Variants in PLAC1 observed in about 807,000 individuals in gnomAD.
PLAC1 encodes the protein placenta-specific protein 1.
For synonymous variants in PLAC1, 68 were observed against 62.1 expected, an observed-to-expected ratio of 1.09 and a Z score of -0.44; for missense variants, 136 against 163.2, an observed-to-expected ratio of 0.83 and a Z score of 0.91.
At chrX:134,643,401 A>G (rs2078316239) in intron 1 of PLAC1, among the ~76,000 whole-genome samples, 1 of 111,733 alleles carries the variant, frequency 8.9e-6, no homozygotes, top group Middle Eastern at 4.2e-3. Context: ...AAAGATGAGA[A>G]ACTTCCAACT....
At chrX:134,760,131 T>A (rs2078766280) in intron 1 of PLAC1, 1 of 112,361 alleles carries the variant, frequency 8.9e-6, no homozygotes, top group African/African-American at 3.2e-5. Flanking sequence ...TTATACCCCA[T>A]CAATTTGTAC....
intron 2 of PLAC1, among the ~76,000 whole-genome samples, chrX:134,704,828 CA>C (rs918408708): frequency 1.0e-5 from 1 of 100,376 alleles, no homozygotes; most frequent in Non-Finnish European, 2.0e-5. Flanking sequence ...CCATCTCTAC[CA>C]AAAAAATACA....
chrX:134,597,938 C>T (rs922131832), intron 2 of PLAC1, among the ~76,000 whole-genome samples: 5 of 111,711 alleles, frequency 4.5e-5, no homozygotes, highest in Non-Finnish European at 9.4e-5. Flanking sequence ...AAAAAGAAAG[C>T]TCAGGGAACT....
At chrX:134,632,914 C>A (rs2078268742) in intron 1 of PLAC1, among the ~76,000 whole-genome samples, 1 of 111,445 alleles carries the variant, frequency 9.0e-6, no homozygotes, top group Non-Finnish European at 1.9e-5. Context: ...ATTTTGCCTC[C>A]ACAATCTGTC....
At chrX:134,743,891 A>T (rs1336692294) in intron 1 of PLAC1, among the ~76,000 whole-genome samples, 1 of 112,602 alleles carries the variant, frequency 8.9e-6, no homozygotes, top group East Asian at 2.8e-4. Context: ...TGGTAACCGA[A>T]CGTGAATACT....
intron 1 of PLAC1, among the ~76,000 whole-genome samples, chrX:134,741,953 G>A (rs966244204): frequency 4.5e-5 from 5 of 111,206 alleles, no homozygotes; most frequent in African/African-American, 1.6e-4. Context: ...TGGAGAGCAG[G>A]CCTAAATTCC....
intron 1 of PLAC1, among the ~76,000 whole-genome samples, chrX:134,605,243 C>T (rs1299151865): frequency 9.0e-6 from 1 of 111,424 alleles, no homozygotes; most frequent in African/African-American, 3.3e-5. Flanking sequence ...GTAGTTGAGC[C>T]TGTGACAAAG....
intron 2 of PLAC1, among the ~76,000 whole-genome samples, chrX:134,729,579 A>G (rs1417220669): frequency 9.0e-6 from 1 of 110,959 alleles, no homozygotes; most frequent in Non-Finnish European, 1.9e-5. Context: ...ACTGACACTC[A>G]GAGCCAGGAG....
At chrX:134,684,308 A>C (rs1416868027) in intron 2 of PLAC1, among the ~76,000 whole-genome samples, 1 of 109,075 alleles carries the variant, frequency 9.2e-6, no homozygotes, top group Non-Finnish European at 1.9e-5. Flanking sequence ...TAAAACTCCT[A>C]GTAGAAACTC....
intron 1 of PLAC1, among the ~76,000 whole-genome samples, chrX:134,758,159 C>T (rs1394180623): frequency 9.4e-6 from 1 of 105,965 alleles, no homozygotes. Context: ...ATGACATAGA[C>T]AAATGGAAAA....
chrX:134,608,679 C>CTT (rs61216654), intron 1 of PLAC1, among the ~76,000 whole-genome samples: 4 of 90,109 alleles, frequency 4.4e-5, no homozygotes, highest in Non-Finnish European at 8.7e-5. Context: ...TTTCTTTTTT[C>CTT]TTTTTTTTTT....
At chrX:134,725,635 C>T (rs2078672074) in intron 2 of PLAC1, among the ~76,000 whole-genome samples, 1 of 112,029 alleles carries the variant, frequency 8.9e-6, no homozygotes, top group Non-Finnish European at 1.9e-5. Flanking sequence ...TAGGTCATTC[C>T]CCTGTGAAAT....
chrX:134,592,490 G>A (rs6638274), intron 2 of PLAC1, among the ~76,000 whole-genome samples: 1 of 110,777 alleles, frequency 9.0e-6, no homozygotes, highest in East Asian at 2.8e-4. Flanking sequence ...CCATAATGGG[G>A]GTGGGCCTTA....
intron 2 of PLAC1, among the ~76,000 whole-genome samples, chrX:134,666,509 T>A (rs967519097): frequency 9.0e-5 from 10 of 111,399 alleles, no homozygotes; most frequent in Non-Finnish European, 1.3e-4. Context: ...GAGTGGGCAG[T>A]CTTAGGAGGG....
chrX:134,646,217 G>A (rs1302496562), intron 1 of PLAC1, among the ~76,000 whole-genome samples: 2 of 111,839 alleles, frequency 1.8e-5, no homozygotes, highest in East Asian at 5.6e-4. Context: ...GAAGGGTGGA[G>A]GCTCTTCTGA....
intron 1 of PLAC1, among the ~76,000 whole-genome samples, chrX:134,742,255 T>G (rs984774845): frequency 4.4e-5 from 5 of 113,206 alleles, no homozygotes; most frequent in African/African-American, 1.6e-4. Context: ...AGCACAGGAC[T>G]GTGGCTGCAC....
In PLAC1 at chrX:134,629,517, T is replaced by C. The variant is rs137932025; in HGVS notation, c.-130-27395A>G. On this transcript the variant is annotated intron_variant, in intron 1 of 2. Coordinates refer to ENST00000359237, the MANE Select transcript of PLAC1 (RefSeq NM_021796.4). ...TGTCTCTTTCAGTTCCATTGAACTT[T>C]CCTGAGTGCCGCTCCCATTTGTGAA... 5.9e-3 allele frequency among the ~76,000 whole-genome samples: 663 copies of C among 111,581 alleles called. 3 individuals are homozygous for C. The highest frequency in any genetic ancestry group is 0.01 in the Non-Finnish European group (535 of 53,156).
chrX:134,615,279 T>C (rs767705696), intron 1 of PLAC1, among the ~76,000 whole-genome samples: 1 of 112,119 alleles, frequency 8.9e-6, no homozygotes, highest in East Asian at 2.8e-4. Flanking sequence ...ACCTAACAGA[T>C]GTAGGGGATA....
At position 134,704,284 on chromosome X, in the gene PLAC1, A is replaced by C. The variant is rs546766656; in HGVS notation, n.174+29151T>G. Among the ~76,000 whole-genome samples the C allele has an allele frequency of 1.3e-4, 14 of 109,012 alleles. No individual in the cohort carries two copies. In the South Asian group the frequency reaches 5.3e-3, roughly 41 times the overall value. The allele number at this position is 109,012 out of a possible 115,157, so 94.7% of individuals were successfully genotyped here. A position where few individuals can be genotyped will look rare whatever the true frequency, so the allele number is the denominator to read the frequency against. On this transcript the variant is annotated intron_variant and non_coding_transcript_variant, in intron 2 of 2. Coordinates refer to the PLAC1 transcript ENST00000466797. The stretch of plus-strand genomic sequence containing the variant: ...TGAGGTCGGCGGATCACTTGAGGTC[A>C]GGAATTCGAGACCAGACTGGCCAAA...
Sources: gnomAD v4.1 joint callset for allele counts (sites outside exome capture counted in the v4.1 genomes callset) on GRCh38, gnomAD v4.1.1 for gene constraint, MANE v1.5 for transcripts, NCBI Gene and HGNC (gene_info 2026-07-23, HGNC 2026-07-21) for gene names.